Variants in TRRAP observed in about 807,000 individuals in gnomAD.
TRRAP encodes transformation/transcription domain associated protein, also known as transformation/transcription domain-associated protein.
In TRRAP, 41 loss-of-function variants were observed where a neutral mutation model predicts 438.8. The ratio of observed to expected loss-of-function variants is 0.09; its 90% CI spans 0.07 to 0.12. The LOEUF (loss-of-function observed/expected upper bound fraction) is 0.12, where lower values mean the gene tolerates loss of function less well. Among genes scored for constraint, TRRAP ranks in the 10% least tolerant of loss-of-function variants. The pLI, the probability that TRRAP is intolerant of heterozygous loss-of-function variation, is 1.00. For synonymous variants in TRRAP, 1,994 were observed against 1,962.9 expected (o/e 1.02, Z -0.42); for missense variants, 3,122 against 5,055.1 (o/e 0.62, Z 11.60).
intron 67 of TRRAP, among the ~76,000 whole-genome samples, chr7:99,000,766 C>T (rs1425173363): frequency 6.6e-6 from 1 of 152,198 alleles, no homozygotes; most frequent in Non-Finnish European, 1.5e-5. Context: ...CTTTCCCTTC[C>T]TCATCAGCAC....
At chr7:98,995,637 C>T (rs1793615675) in intron 67 of TRRAP, among the ~76,000 whole-genome samples, 1 of 148,602 alleles carries the variant, frequency 6.7e-6, no homozygotes, top group Non-Finnish European at 1.5e-5. Flanking sequence ...GGGATCCTCA[C>T]CCCACAGTAT....
At chr7:98,882,155 C>G in intron 3 of TRRAP, 131 bp downstream of exon 3, 4 of 820,442 alleles carry the variant, frequency 4.9e-6, no homozygotes, top group Non-Finnish European at 7.3e-6. Context: ...TAGTATATTT[C>G]GAAACTGAAA....
chr7:98,894,813 T>G (rs1338659857), intron 6 of TRRAP, among the ~76,000 whole-genome samples: 1 of 149,440 alleles, frequency 6.7e-6, no homozygotes, highest in Non-Finnish European at 1.5e-5. Flanking sequence ...TTTTTTGTAT[T>G]TTTAGTAGAG....
chr7:98,891,536 C>CTT (rs561135092), intron 4 of TRRAP, among the ~76,000 whole-genome samples: 9 of 116,940 alleles, frequency 7.7e-5, no homozygotes, highest in Middle Eastern at 6.8e-3. Flanking sequence ...GCATGTAGCT[C>CTT]TTTTTTTTTT....
At chr7:98,891,409 C>T (rs927191760) in intron 4 of TRRAP, among the ~76,000 whole-genome samples, 1 of 151,456 alleles carries the variant, frequency 6.6e-6, no homozygotes, top group Non-Finnish European at 1.5e-5. Flanking sequence ...CCATGTTGGC[C>T]AGGCTGGTCG....
intron 26 of TRRAP, among the ~76,000 whole-genome samples, chr7:98,932,747 A>T (rs1554413233): frequency 1.3e-5 from 2 of 152,190 alleles, no homozygotes; most frequent in African/African-American, 4.8e-5. Flanking sequence ...CTATGTAAAT[A>T]GTTACACTTT....
In TRRAP at chr7:99,008,580, C is replaced by G. The variant is rs1188875280; in HGVS notation, c.10938+19C>G. 2 of 1,610,720 alleles carry G rather than the reference C, an allele frequency of 1.2e-6. No homozygotes were observed. The highest frequency in any genetic ancestry group is 1.7e-6 in the Non-Finnish European group (2 of 1,178,916). On this transcript the variant is annotated intron_variant, in intron 70 of 72. Transcript: ENST00000456197. The stretch of plus-strand genomic sequence containing the variant: ...CCACCAGGTAGCAGTGGGGCCGGGC[C>G]GGGGGCCGAGCTGCCGCCTGCAGCC...
At position 99,011,110 on chromosome 7, in the gene TRRAP, A is replaced by C. The variant is rs1228867891; in HGVS notation, c.10997A>C (p.Lys3666Thr). The C allele has an allele frequency of 6.2e-7, 1 of 1,614,084 alleles. No individual in the cohort carries two copies. The highest frequency in any genetic ancestry group is 1.7e-5 in the Admixed American group (1 of 60,014). Residue 3666 changes from lysine to threonine, a missense_variant, in exon 71 of 73, where the codon AAG (lysine) becomes ACG (threonine). Lys to Thr is a moderately conservative substitution (Grantham distance 78). Transcript: ENST00000456197. This position sits in a 1 kb window ranked among gnomAD's most constrained non-coding sequence, Gnocchi z 7.1. ...AACATGGTGCCGCGCAGCATGCTCA[A>C]GGAGTGGGCGCTGCACACCTTCCCC... is the stretch of plus-strand genomic sequence containing the variant. ...QSNMVPRSML[K>T]EWALHTFPNA...
chr7:98,898,945 C>T (rs1042968237), intron 8 of TRRAP, among the ~76,000 whole-genome samples: 9 of 152,130 alleles, frequency 5.9e-5, no homozygotes, highest in African/African-American at 1.9e-4. Context: ...CCCAGCACTT[C>T]GGGAGACCAA....
chr7:98,919,085 G>A (rs1385035268), intron 20 of TRRAP, among the ~76,000 whole-genome samples: 1 of 152,146 alleles, frequency 6.6e-6, no homozygotes, highest in Admixed American at 6.5e-5. Flanking sequence ...GTAATTGTTG[G>A]AGGGTTAGGG....
chr7:98,924,983 C>T (rs375482846), intron 21 of TRRAP, 129 bp from the exon 22 acceptor site: 28 of 1,291,926 alleles, frequency 2.2e-5, no homozygotes, highest in South Asian at 1.3e-4. Flanking sequence ...CCAGCCCAGG[C>T]GACAGAGCGA....
intron 31 of TRRAP, among the ~76,000 whole-genome samples, chr7:98,945,202 C>T (rs555718565): frequency 8.0e-4 from 122 of 152,244 alleles, no homozygotes; most frequent in Non-Finnish European, 1.5e-3. Context: ...GGGGAGAACG[C>T]GTGACCACTT....
rs144578093 is a variant in TRRAP, at chr7:98,949,767, C to T, written c.5061C>T (p.His1687=). 46 of 1,613,738 alleles carry T rather than the reference C, an allele frequency of 2.9e-5. No individual in the cohort carries two copies. Among genetic ancestry groups the T allele is most frequent in the Non-Finnish European group, 3.8e-5 (45 of 1,180,042 alleles). ...TGAGTGAGAACTTCCAAGAGAGGCA[C>T]CGCAAGGAGAACATGGCAGCCACCA... ...VWVSENFQER[H]RKENMAATNW... Residue 1687 remains histidine, a synonymous_variant, in exon 37 of 73, where the codon CAC becomes CAT. Coordinates refer to ENST00000456197, the MANE Select transcript of TRRAP (RefSeq NM_001375524.1).
rs2270012 is a variant in TRRAP, at chr7:98,921,607, G to T, written c.2623-146G>T. ...ACCAGGCTGGTCTTGAACTCCTGAC[G>T]TCAGGTGATCTACCCGCCTTAGCCT... is the stretch of plus-strand genomic sequence containing the variant. On this transcript the variant is annotated intron_variant, in intron 20 of 72. Transcript: ENST00000456197. The T allele has an allele frequency of 4.7e-3, 4,641 of 990,792 alleles. 249 individuals are homozygous for T. In the East Asian group the frequency reaches 0.11, roughly 24 times the overall value. The allele number at this position is 990,792 out of a possible 1,614,324, so 61.4% of individuals were successfully genotyped here. A position where few individuals can be genotyped will look rare whatever the true frequency, so the allele number is the denominator to read the frequency against.
At chr7:98,964,555 T>A in intron 47 of TRRAP, 74 bp from the exon 48 acceptor site, 2 of 1,537,772 alleles carry the variant, frequency 1.3e-6, no homozygotes, top group East Asian at 4.5e-5. Flanking sequence ...TTGTTTTGAA[T>A]AATGTGTTGC....
chr7:98,892,010 T>C (rs1369678885), intron 4 of TRRAP, among the ~76,000 whole-genome samples: 1 of 152,158 alleles, frequency 6.6e-6, no homozygotes, highest in Non-Finnish European at 1.5e-5. Context: ...ATATAACTAG[T>C]CCTTGGGCCC....
At chr7:99,004,143 C>A in intron 67 of TRRAP, 47 bp from the exon 68 acceptor site, 1 of 1,561,058 alleles carries the variant, frequency 6.4e-7, no homozygotes. Flanking sequence ...TGTGTTAGAA[C>A]TGGCCCAGAT....
rs577306983 is a variant in TRRAP, at chr7:98,903,660, C to T, written c.1036+143C>T. Reference sequence around the variant, plus strand: ...TGCTGTCTTGGGTTCATTCTTTCCCCTCTTTTCTCTCCCTCTCTGCCTCCC... The same window carrying T: ...TGCTGTCTTGGGTTCATTCTTTCCCTTCTTTTCTCTCCCTCTCTGCCTCCC... On this transcript the variant is annotated intron_variant, in intron 12 of 72. Coordinates refer to ENST00000456197, the MANE Select transcript of TRRAP (RefSeq NM_001375524.1). 9 of 1,198,142 alleles carry T rather than the reference C, an allele frequency of 7.5e-6. No homozygotes were observed. In the East Asian group the frequency reaches 1.5e-4, roughly 20 times the overall value. 74.2% of individuals were successfully genotyped at this position (1,198,142 alleles called of 1,614,324 possible).
chr7:98,920,692 T>C (rs1409817936), intron 20 of TRRAP, among the ~76,000 whole-genome samples: 1 of 152,220 alleles, frequency 6.6e-6, no homozygotes, highest in Non-Finnish European at 1.5e-5. Context: ...CCACCCTTTC[T>C]AATGTAAGAT....
Sources: gnomAD v4.1 joint callset for allele counts (sites outside exome capture counted in the v4.1 genomes callset) on GRCh38, gnomAD v4.1.1 for gene constraint, Gnocchi (gnomAD v3.1) non-coding constraint, MANE v1.5 for transcripts, NCBI Gene and HGNC (gene_info 2026-07-23, HGNC 2026-07-21) for gene names.